KIF21B: variants seen among roughly 807,000 people sequenced by gnomAD.
The protein encoded by KIF21B is kinesin family member 21B.
Under a neutral mutation model 192.9 loss-of-function variants are expected in KIF21B, and 85 were observed. That is an observed-to-expected ratio of 0.44 (90% confidence interval 0.37 to 0.53). The LOEUF (loss-of-function observed/expected upper bound fraction) is 0.53, where lower values mean the gene tolerates loss of function less well. Ranked by LOEUF, KIF21B falls within the 20% of genes least tolerant of loss-of-function variation. KIF21B has a pLI of 0.00. For missense variants in KIF21B, 1,716 were observed against 2,194.8 expected (o/e 0.78, Z 4.36); for synonymous variants, 832 against 884.6 (o/e 0.94, Z 1.05).
In KIF21B at chr1:201,000,761, A is replaced by G; in HGVS notation, c.1422T>C (p.Ile474=). ...GGATGTAGTTCTGGATCAGCGCACC[A>G]ATGGCCTCATTGCCATCGCCTGGAG... is the stretch of plus-strand genomic sequence containing the variant. ...LAKAGDGNEA[I]GALIQNYIRE... Residue 474 remains isoleucine (I), a synonymous_variant, in exon 10 of 35, where the codon ATT becomes ATC. Coordinates refer to ENST00000461742, the MANE Select transcript of KIF21B (RefSeq NM_001252102.2). The surrounding 1 kb of genome is among the most constrained non-coding windows in gnomAD (Gnocchi z 6.0). The G allele has an allele frequency of 6.2e-7, 1 of 1,614,206 alleles. No homozygotes were observed. Among genetic ancestry groups the G allele is most frequent in the South Asian group, 1.1e-5 (1 of 91,090 alleles).
rs1655969839 is a variant in KIF21B at position 200,982,120 on chromosome 1, C to A, written c.3842+936G>T. Among the ~76,000 whole-genome samples, 3 of 152,170 alleles carry A rather than the reference C, an allele frequency of 2.0e-5. No homozygotes were observed. The highest frequency in any genetic ancestry group is 2.0e-4 in the Admixed American group (3 of 15,282). ...CTTGAGGATGGTGGTCGGATACGTC[C>A]AGCTGCCAGCCAGGTGCCACACATG... On this transcript the variant is annotated intron_variant, in intron 28 of 34. Transcript: ENST00000461742. This position sits in a 1 kb window ranked among gnomAD's most constrained non-coding sequence, Gnocchi z 4.7.
Position 200,989,050 on chromosome 1 carries a change from CCT to C in KIF21B, c.3133-121_3133-120del. On this transcript the variant is annotated intron_variant, in intron 21 of 34. Coordinates refer to ENST00000461742, the MANE Select transcript of KIF21B (RefSeq NM_001252102.2). The stretch of plus-strand genomic sequence containing the variant: ...GCTCCTTTCCAGCTCCCAACATCAC[CCT>C]TGTACCTGGCACAGACCTGAGAGCA... 4 of 1,053,428 alleles carry C rather than the reference CCT, an allele frequency of 3.8e-6. No homozygotes were observed. In the South Asian group the frequency reaches 5.0e-5, roughly 13 times the overall value. 65.3% of individuals were successfully genotyped at this position (1,053,428 alleles called of 1,614,324 possible).
At chr1:201,007,647 CACACAG>C (rs1241746611) in intron 3 of KIF21B, among the ~76,000 whole-genome samples, 2 of 151,260 alleles carry the variant, frequency 1.3e-5, no homozygotes, top group Non-Finnish European at 2.9e-5. Flanking sequence ...CACACACACA[CACACAG>C]ACGCGCACAC....
intron 1 of KIF21B, among the ~76,000 whole-genome samples, chr1:201,015,217 G>A (rs1189532491): frequency 3.9e-5 from 6 of 152,196 alleles, no homozygotes; most frequent in Non-Finnish European, 7.3e-5. Context: ...TCAATCCAGG[G>A]GAAATCTGGG....
chr1:201,016,313 G>A (rs1159108084), intron 1 of KIF21B, among the ~76,000 whole-genome samples: 1 of 152,234 alleles, frequency 6.6e-6, no homozygotes, highest in East Asian at 1.9e-4. Flanking sequence ...CTGTCTGCTG[G>A]GAAAGCGTTT....
chr1:200,978,356 C>T (rs905235801), intron 30 of KIF21B, among the ~76,000 whole-genome samples: 11 of 147,012 alleles, frequency 7.5e-5, no homozygotes, highest in Non-Finnish European at 1.4e-4. Flanking sequence ...GCCTTGTTTA[C>T]TTTTTTTTTT....
At position 201,005,281 on chromosome 1, in the gene KIF21B, C is replaced by G. The variant is rs200063603; in HGVS notation, c.732+27G>C. On this transcript the variant is annotated intron_variant, in intron 5 of 34. Transcript: ENST00000461742. ...CCGGGATACCCCTGCAGCAAGCTGG[C>G]TCCTGGGCCCCCTGCAGGCTCCTCA... 244 of 1,549,026 alleles carry G rather than the reference C, an allele frequency of 1.6e-4. 2 individuals are homozygous for G. The East Asian group carries it at 5.4e-3, about 35-fold the overall frequency.
chr1:201,012,362 G>A (rs1304822182), intron 1 of KIF21B, among the ~76,000 whole-genome samples: 1 of 152,208 alleles, frequency 6.6e-6, no homozygotes, highest in African/African-American at 2.4e-5. Context: ...TGGACTGACT[G>A]AATGAATAAA....
chr1:200,993,946 T>C (rs1656883247), intron 15 of KIF21B, among the ~76,000 whole-genome samples: 1 of 137,550 alleles, frequency 7.3e-6, no homozygotes. Flanking sequence ...ATGAGTGTTC[T>C]CCCAAAGGAC....
At chr1:200,977,852 A>G (rs1419744071) in intron 30 of KIF21B, among the ~76,000 whole-genome samples, 1 of 146,576 alleles carries the variant, frequency 6.8e-6, no homozygotes, top group African/African-American at 2.6e-5. Flanking sequence ...CTCCTGCCTC[A>G]CCCTCCCGAG....
Position 200,992,430 on chromosome 1 carries a change from A to G in KIF21B, c.2278-41T>C, listed in dbSNP as rs372979792. 339 of 1,599,562 alleles carry G rather than the reference A, an allele frequency of 2.1e-4. 1 individual carries two copies. In the African/African-American group the frequency reaches 4.4e-3, roughly 21 times the overall value. On this transcript the variant is annotated intron_variant, in intron 15 of 34. Transcript: ENST00000461742. ...ATTATGGTGGTGAGACAGGGCTGGG[A>G]GGCAGGTGGCCCACACTCTCCAGGG...
At chr1:201,010,108 G>C (rs1658144772) in intron 1 of KIF21B, among the ~76,000 whole-genome samples, 1 of 152,220 alleles carries the variant, frequency 6.6e-6, no homozygotes, top group Admixed American at 6.5e-5. Flanking sequence ...ATGCCCATGG[G>C]GGCTGCAAGC....
Position 200,980,970 on chromosome 1 carries a change from T to C in KIF21B, c.3969A>G (p.Thr1323=). 2.5e-6 allele frequency: 4 copies of C among 1,611,748 alleles called. No individual in the cohort carries two copies. Among genetic ancestry groups the C allele is most frequent in the Non-Finnish European group, 3.4e-6 (4 of 1,179,056 alleles). The change falls in exon 29 of 35, where the codon ACA becomes ACG. Residue 1323 remains threonine, a synonymous_variant. Coordinates refer to ENST00000461742, the MANE Select transcript of KIF21B (RefSeq NM_001252102.2). ...TGGCGTTCCACATACCTTTGGACCC[T>C]GTGAATAGCAACTCATCTGTGGCAT... The part of the protein sequence containing the change: ...CLDATDELLF[T]GSKDRSCKMW...
In KIF21B at chr1:200,999,139, A is replaced by G. The variant is rs907073859; in HGVS notation, c.1885+210T>C. Among the ~76,000 whole-genome samples the G allele has an allele frequency of 4.6e-5, 7 of 152,166 alleles. No individual in the cohort carries two copies. Among genetic ancestry groups the G allele is most frequent in the Non-Finnish European group, 8.8e-5 (6 of 68,016 alleles). On this transcript the variant is annotated intron_variant, in intron 13 of 34. Transcript: ENST00000461742. The surrounding 1 kb of genome is among the most constrained non-coding windows in gnomAD (Gnocchi z 4.7). ...AGACTGAAAGAACCTAGCCGCTCAA[A>G]GGGTTAAGGTAAGCACAGTGCCTGG...
At chr1:200,978,129 A>G (rs1016908088) in intron 30 of KIF21B, among the ~76,000 whole-genome samples, 11 of 149,178 alleles carry the variant, frequency 7.4e-5, no homozygotes, top group Middle Eastern at 3.2e-3. Flanking sequence ...GGCTCACTGC[A>G]ATCTCTGCCT....
intron 7 of KIF21B, 48 bp from the exon 8 acceptor site, chr1:201,003,829 C>T: frequency 6.3e-7 from 1 of 1,594,042 alleles, no homozygotes; most frequent in Non-Finnish European, 8.6e-7. Flanking sequence ...ACAGCCAGCC[C>T]CCAGAAGCAT....
chr1:201,005,529 TC>T lies in KIF21B; in HGVS notation c.597+15del. On this transcript the variant is annotated intron_variant, in intron 4 of 34. Coordinates refer to ENST00000461742, the MANE Select transcript of KIF21B (RefSeq NM_001252102.2). ...GGATGCCCTGGACCTGCTCCAGACC[TC>T]CAGCAGAGGCTCACCTCCTCCTGGG... 6.2e-7 allele frequency: 1 copy of T among 1,609,228 alleles called. No homozygotes were observed. The highest frequency in any genetic ancestry group is 1.1e-5 in the South Asian group (1 of 90,636).
chr1:200,986,037 G>A (rs986719543), intron 26 of KIF21B, among the ~76,000 whole-genome samples: 73 of 151,534 alleles, frequency 4.8e-4, no homozygotes, highest in Admixed American at 1.4e-3. Flanking sequence ...AGTAGAGACT[G>A]GGTTTCACTG....
In KIF21B at chr1:200,975,531, T is replaced by G. The variant is rs771014296; in HGVS notation, c.4582A>C (p.Lys1528Gln). 2 of 1,613,412 alleles carry G rather than the reference T, an allele frequency of 1.2e-6. No individual in the cohort carries two copies. Among genetic ancestry groups the G allele is most frequent in the South Asian group, 1.1e-5 (1 of 91,020 alleles). Residue 1528 changes from lysine to glutamine, a missense_variant, in exon 33 of 35, where the codon AAG (lysine) becomes CAG (glutamine). Around this residue, in one of 3 missense-constraint regions of KIF21B, gnomAD observed 580 missense variants for 775.5 expected, o/e 0.75. Transcript: ENST00000461742. The surrounding 1 kb of genome is among the most constrained non-coding windows in gnomAD (Gnocchi z 4.3). Reference protein sequence around the residue: ...FSGSRDNGIKKWDLDQQELIQ... With the variant: ...FSGSRDNGIKQWDLDQQELIQ... ...AGCTCCTGCTGGTCTAGGTCCCACT[T>G]CTTGATGCCGTTATCTCGGGAGCCA...
Sources: allele counts gnomAD v4.1 joint callset (sites outside exome capture counted in the v4.1 genomes callset), GRCh38; gene constraint gnomAD v4.1.1; regional missense constraint gnomAD v4.1.1; non-coding constraint Gnocchi (gnomAD v3.1); transcripts MANE v1.5; gene names NCBI Gene and HGNC (gene_info 2026-07-23, HGNC 2026-07-21).